Variants in XRN2 observed in about 807,000 individuals in gnomAD.
XRN2 encodes the protein 5'-3' exoribonuclease 2, also known as DHM1-like protein.
XRN2 carries 44 observed loss-of-function variants against 138.5 expected under a neutral mutation model. The ratio of observed to expected loss-of-function variants is 0.32; its 90% confidence interval spans 0.25 to 0.41. The LOEUF (loss-of-function observed/expected upper bound fraction) is 0.41. Ranked by LOEUF, XRN2 falls within the 10% of genes least tolerant of loss-of-function variation. The pLI is 1.00. For synonymous variants in XRN2, 354 were observed against 369.4 expected (o/e 0.96, Z 0.48); for missense variants, 937 against 1,169.3 (o/e 0.80, Z 2.90).
chr20:21,356,535 T>C (rs755508689), intron 22 of XRN2, 51 bp from the exon 23 acceptor site: 9 of 1,539,116 alleles, frequency 5.8e-6, no homozygotes, highest in Admixed American at 1.8e-5. Context: ...TCTGCTTGAG[T>C]CCCAGTTTTC....
At chr20:21,377,264 C>CTTTGTTTTTTTTT (rs2038833737) in intron 27 of XRN2, among the ~76,000 whole-genome samples, 1 of 82,782 alleles carries the variant, frequency 1.2e-5, no homozygotes, top group African/African-American at 5.4e-5. Context: ...TCGGTTTTTT[C>CTTTGTTTTTTTTT]TTTTTTTTTT....
chr20:21,379,422 T>C (rs1477905625), intron 27 of XRN2, among the ~76,000 whole-genome samples: 1 of 152,236 alleles, frequency 6.6e-6, no homozygotes, highest in Non-Finnish European at 1.5e-5. Context: ...TGGTTAAAAA[T>C]AGCCTTGAAA....
intron 24 of XRN2, among the ~76,000 whole-genome samples, chr20:21,360,977 T>C (rs575759209): frequency 1.1e-3 from 175 of 152,334 alleles, no homozygotes; most frequent in African/African-American, 4.1e-3. Context: ...TTAGCATTAA[T>C]TATGGAATGT....
At chr20:21,352,611 G>A (rs1018499855) in intron 20 of XRN2, among the ~76,000 whole-genome samples, 2 of 152,164 alleles carry the variant, frequency 1.3e-5, no homozygotes, top group African/African-American at 2.4e-5. Context: ...GATTATAGGC[G>A]TGAGCCACCG....
At chr20:21,308,685 T>G (rs2037837257) in intron 1 of XRN2, among the ~76,000 whole-genome samples, 1 of 152,214 alleles carries the variant, frequency 6.6e-6, no homozygotes, top group African/African-American at 2.4e-5. Flanking sequence ...GTTGTCTTAC[T>G]TAAATGTAGA....
intron 24 of XRN2, 144 bp from the exon 25 acceptor site, chr20:21,365,277 A>AG: frequency 1.4e-6 from 1 of 691,022 alleles, no homozygotes; most frequent in Non-Finnish European, 2.4e-6. Flanking sequence ...CAGTTTGGTG[A>AG]GGAAGACATT....
intron 21 of XRN2, 143 bp downstream of exon 21, chr20:21,355,015 C>T (rs1269683974): frequency 1.4e-5 from 8 of 587,804 alleles, no homozygotes; most frequent in South Asian, 5.0e-5. Context: ...TTATTACAGA[C>T]GTTGACTTTG....
At chr20:21,325,902 G>A (rs2038121494) in intron 1 of XRN2, among the ~76,000 whole-genome samples, 1 of 152,162 alleles carries the variant, frequency 6.6e-6, no homozygotes, top group Non-Finnish European at 1.5e-5. Context: ...TGTTGTTCAT[G>A]GTGGTGGGAA....
Position 21,338,682 on chromosome 20 carries a change from GTTTAT to G in XRN2, c.1234-343_1234-339del, listed in dbSNP as rs1293457172. On this transcript the variant is annotated intron_variant, in intron 13 of 29. Transcript: ENST00000377191. Reference sequence around the variant, plus strand: ...ACTAAACCTTAAGAATTGTTGAGTTGTTTATTTTATTTTATTTTATTTTTTAACTT... The same window carrying G: ...ACTAAACCTTAAGAATTGTTGAGTTGTTTATTTTATTTTATTTTTTAACTT... Among the ~76,000 whole-genome samples, 23 of 152,210 alleles carry G rather than the reference GTTTAT, an allele frequency of 1.5e-4. 1 individual carries two copies. In the South Asian group the frequency reaches 4.4e-3, roughly 29 times the overall value.
chr20:21,310,889 C>T (rs888652359), intron 1 of XRN2, among the ~76,000 whole-genome samples: 40 of 152,086 alleles, frequency 2.6e-4, no homozygotes, highest in South Asian at 2.1e-3. Context: ...GGACTACAGG[C>T]GCCCGCCACC....
intron 13 of XRN2, among the ~76,000 whole-genome samples, chr20:21,337,607 TAC>T (rs1385768522): frequency 6.6e-6 from 1 of 152,120 alleles, no homozygotes; most frequent in Non-Finnish European, 1.5e-5. Context: ...GAGATCCAAG[TAC>T]TGGGCCCAGG....
intron 19 of XRN2, 131 bp downstream of exon 19, chr20:21,348,561 C>T: frequency 1.0e-5 from 8 of 791,970 alleles, no homozygotes; most frequent in Non-Finnish European, 1.6e-5. Context: ...TTACTCCAAA[C>T]ACACATATAT....
At chr20:21,374,054 G>A (rs1204126808) in intron 27 of XRN2, among the ~76,000 whole-genome samples, 1 of 151,970 alleles carries the variant, frequency 6.6e-6, no homozygotes, top group East Asian at 1.9e-4. Context: ...AAAAAATTCA[G>A]GACAAAAAGA....
chr20:21,331,471 C>A, intron 6 of XRN2, 90 bp from the exon 7 acceptor site: 1 of 1,098,996 alleles, frequency 9.1e-7, no homozygotes, highest in Non-Finnish European at 1.4e-6. Context: ...TAACACTTAT[C>A]TCAGTTTTTC....
At chr20:21,333,474 A>G (rs2038242774) in intron 9 of XRN2, 70 bp from the exon 10 acceptor site, 5 of 1,522,752 alleles carry the variant, frequency 3.3e-6, no homozygotes, top group Non-Finnish European at 4.5e-6. Context: ...AAAGCCTTAA[A>G]ATTTGCTTGG....
intron 27 of XRN2, among the ~76,000 whole-genome samples, chr20:21,370,213 G>T (rs971773531): frequency 1.3e-5 from 2 of 152,080 alleles, no homozygotes; most frequent in Non-Finnish European, 2.9e-5. Flanking sequence ...CCATTGGTCT[G>T]TTATCTGTTT....
At chr20:21,355,513 T>A (rs1289049533) in intron 21 of XRN2, among the ~76,000 whole-genome samples, 1 of 152,206 alleles carries the variant, frequency 6.6e-6, no homozygotes, top group African/African-American at 2.4e-5. Context: ...AATGATTATG[T>A]ATTTCTTATA....
chr20:21,325,767 C>T (rs1024013518), intron 1 of XRN2, among the ~76,000 whole-genome samples: 2 of 152,170 alleles, frequency 1.3e-5, no homozygotes, highest in African/African-American at 4.8e-5. Flanking sequence ...TAAGGACGTA[C>T]ACTTTTATGT....
intron 24 of XRN2, among the ~76,000 whole-genome samples, chr20:21,361,284 G>T (rs13039420): frequency 6.6e-6 from 1 of 152,044 alleles, no homozygotes; most frequent in Admixed American, 6.6e-5. Context: ...CTTTGCCCTT[G>T]ATGTGTTTAT....
Sources: allele counts gnomAD v4.1 joint callset (sites outside exome capture counted in the v4.1 genomes callset), GRCh38; gene constraint gnomAD v4.1.1; transcripts MANE v1.5; gene names NCBI Gene and HGNC (gene_info 2026-07-23, HGNC 2026-07-21).